ANKRD30B: variants seen among roughly 807,000 people sequenced by gnomAD.
The protein encoded by ANKRD30B is ankyrin repeat domain-containing protein 30B.
Under a neutral mutation model 202.2 loss-of-function variants are expected in ANKRD30B, and 144 were observed. The ratio of observed to expected loss-of-function variants is 0.71; its 90% CI spans 0.62 to 0.82. The LOEUF is 0.82. Among genes scored for constraint, ANKRD30B ranks in the 40% least tolerant of loss-of-function variants. The pLI is 0.00. For synonymous variants in ANKRD30B, 508 were observed against 561.3 expected (o/e 0.91, Z 1.34); for missense variants, 1,487 against 1,669.1 (o/e 0.89, Z 1.90).
Position 14,853,906 on chromosome 18 carries a change from A to G in ANKRD30B, c.4574A>G (p.Gln1525Arg), listed in dbSNP as rs1450392573. Among the ~76,000 whole-genome samples, 3 of 152,210 alleles carry G rather than the reference A, an allele frequency of 2.0e-5. No homozygotes were observed. The highest frequency in any genetic ancestry group is 4.8e-5 in the African/African-American group (2 of 41,450). ...TCACATTCTCACTCTCTGAGGCATC[A>G]ATAGAGGCTACATCACATTATCACA... is the stretch of plus-strand genomic sequence containing the variant. ...VTSHSHSLRHQ is the reference protein window; with the variant it reads ...VTSHSHSLRHR The change falls in exon 43 of 44, where the codon CAA becomes CGA. Residue 1525 changes from glutamine to arginine, a missense_variant. By Grantham distance (43) the Gln-to-Arg change is conservative (BLOSUM62 1). Coordinates refer to ENST00000690538, the MANE Select transcript of ANKRD30B (RefSeq NM_001367607.2).
the ANKRD30B span, among the ~76,000 whole-genome samples, chr18:14,875,297 G>T: frequency 2.0e-5 from 3 of 152,200 alleles, no homozygotes; most frequent in African/African-American, 7.2e-5. Context: ...ACATGGCCAT[G>T]TCAGGAGGAT....
Position 14,840,613 on chromosome 18 carries a change from A to T in ANKRD30B, c.3014A>T (p.Asn1005Ile), listed in dbSNP as rs1276274249. 6.5e-7 allele frequency: 1 copy of T among 1,528,356 alleles called. No individual in the cohort carries two copies. The highest frequency in any genetic ancestry group is 1.2e-5 in the South Asian group (1 of 82,518). 94.7% of individuals were successfully genotyped at this position (1,528,356 alleles called of 1,614,324 possible). ...ATTATCTCTGTGAGTGATACACAGAATTATGAGTGTTTACCTGAGGCTACA... is the reference window on the plus strand; with the variant it reads ...ATTATCTCTGTGAGTGATACACAGATTTATGAGTGTTTACCTGAGGCTACA... ...SEIISVSDTQ[N>I]YECLPEATYQ... The change falls in exon 37 of 44, where the codon AAT becomes ATT. Residue 1005 changes from asparagine (N) to isoleucine (I), a missense_variant. Around this residue, in one of 6 missense-constraint regions of ANKRD30B, gnomAD observed 218 missense variants for 320.1 expected, o/e 0.68. Coordinates refer to ENST00000690538, the MANE Select transcript of ANKRD30B (RefSeq NM_001367607.2).
chr18:14,820,201 T>G (rs2144106967), intron 30 of ANKRD30B, among the ~76,000 whole-genome samples: 1 of 152,316 alleles, frequency 6.6e-6, no homozygotes, highest in Admixed American at 6.5e-5. Flanking sequence ...GTGATTTTTG[T>G]ACATTGATTT....
At chr18:14,927,584 GAAGCA>G in the ANKRD30B span, among the ~76,000 whole-genome samples, 1 of 152,198 alleles carries the variant, frequency 6.6e-6, no homozygotes, top group Non-Finnish European at 1.5e-5. Flanking sequence ...AATTGCAGAT[GAAGCA>G]AAGCCTATTA....
At chr18:14,916,008 TTTATA>T in the ANKRD30B span, among the ~76,000 whole-genome samples, 4 of 152,204 alleles carry the variant, frequency 2.6e-5, no homozygotes, top group Admixed American at 2.0e-4. Flanking sequence ...ACTACACCAT[TTTATA>T]TTAGAAATCT....
chr18:14,937,111 T>C, the ANKRD30B span, among the ~76,000 whole-genome samples: 2 of 152,202 alleles, frequency 1.3e-5, no homozygotes, highest in Non-Finnish European at 2.9e-5. Context: ...CTCATGTCAC[T>C]GTGCAAAGAG....
chr18:14,748,608 C>A lies in ANKRD30B; in HGVS notation c.189C>A (p.Pro63=). 6.4e-7 allele frequency: 1 copy of A among 1,566,920 alleles called. No individual in the cohort carries two copies. The highest frequency in any genetic ancestry group is 8.7e-7 in the Non-Finnish European group (1 of 1,155,726). The change falls in exon 1 of 44, where the codon CCC becomes CCA. Residue 63 remains proline, a synonymous_variant. Coordinates refer to ENST00000690538, the MANE Select transcript of ANKRD30B (RefSeq NM_001367607.2). The part of the protein sequence containing the change: ...KLEKMTVGKK[P]VNLNKRDMKK... ...AGAAGATGACAGTAGGGAAGAAGCCCGTCAACCTGAACAAAAGAGATATGA... is the reference window on the plus strand; with the variant it reads ...AGAAGATGACAGTAGGGAAGAAGCCAGTCAACCTGAACAAAAGAGATATGA...
rs1912833790 is a variant in ANKRD30B, at chr18:14,748,466, A to T, written c.47A>T (p.Glu16Val). 1.9e-6 allele frequency: 3 copies of T among 1,539,326 alleles called. No homozygotes were observed. Among genetic ancestry groups the T allele is most frequent in the Non-Finnish European group, 2.6e-6 (3 of 1,140,418 alleles). ...AAAGKGVRGP[E>V]PPNPFSERVY... ...GCTGGCAAGGGCGTGCGGGGCCCGG[A>T]GCCCCCGAACCCCTTCAGCGAACGG... Residue 16 changes from glutamate to valine, a missense_variant, in exon 1 of 44, where the codon GAG (glutamate) becomes GTG (valine). Glu to Val is a moderately radical substitution (Grantham distance 121). This residue lies in a region of ANKRD30B where 889 missense variants were observed against 841.4 expected (regional missense o/e 1.06). Transcript: ENST00000690538.
the ANKRD30B span, among the ~76,000 whole-genome samples, chr18:14,859,899 T>G: frequency 2.1e-4 from 12 of 57,888 alleles, no homozygotes; most frequent in South Asian, 9.1e-4. Flanking sequence ...TGTCGTCCAT[T>G]CAGAGGCACT....
chr18:14,827,750 A>G (rs1464869281), intron 32 of ANKRD30B, among the ~76,000 whole-genome samples: 1 of 152,206 alleles, frequency 6.6e-6, no homozygotes, highest in Admixed American at 6.5e-5. Context: ...GTCCACTTAT[A>G]CTAATTCTGC....
intron 8 of ANKRD30B, among the ~76,000 whole-genome samples, chr18:14,771,064 G>A (rs776764449): frequency 2.3e-4 from 35 of 152,148 alleles, no homozygotes; most frequent in Non-Finnish European, 3.8e-4. Context: ...CAAGTAAGTC[G>A]TGGTTCAGTT....
intron 8 of ANKRD30B, among the ~76,000 whole-genome samples, chr18:14,770,349 G>C (rs1966912532): frequency 6.6e-6 from 1 of 152,124 alleles, no homozygotes; most frequent in Admixed American, 6.6e-5. Context: ...TGTTCAGATG[G>C]AGAGTCTGAA....
chr18:14,833,646 A>C (rs955321682), intron 34 of ANKRD30B, among the ~76,000 whole-genome samples: 2 of 152,196 alleles, frequency 1.3e-5, no homozygotes, highest in African/African-American at 4.8e-5. Context: ...TAATTGTCTT[A>C]TTATGTAATA....
At chr18:14,825,449 C>T (rs1568051554) in intron 32 of ANKRD30B, among the ~76,000 whole-genome samples, 1 of 151,996 alleles carries the variant, frequency 6.6e-6, no homozygotes, top group Non-Finnish European at 1.5e-5. Flanking sequence ...ACCCCCAGTA[C>T]AAAGCAATCA....
the ANKRD30B span, among the ~76,000 whole-genome samples, chr18:14,896,994 T>C: frequency 8.2e-6 from 1 of 121,958 alleles, no homozygotes; most frequent in Admixed American, 8.1e-5. Context: ...GGAAAATAAA[T>C]AGGAATTCAG....
intron 34 of ANKRD30B, among the ~76,000 whole-genome samples, chr18:14,836,839 CG>C (rs1200853569): frequency 2.0e-5 from 3 of 151,770 alleles, no homozygotes; most frequent in Non-Finnish European, 4.4e-5. Context: ...TGACTCTGCA[CG>C]TTGTCTGTCC....
the ANKRD30B span, among the ~76,000 whole-genome samples, chr18:14,912,761 G>A: frequency 6.6e-6 from 1 of 152,222 alleles, no homozygotes; most frequent in East Asian, 1.9e-4. Flanking sequence ...CTACTTCTTG[G>A]GAGATTTTTA....
intron 9 of ANKRD30B, among the ~76,000 whole-genome samples, chr18:14,777,077 A>C (rs1170836685): frequency 6.6e-6 from 1 of 152,226 alleles, no homozygotes; most frequent in African/African-American, 2.4e-5. Flanking sequence ...AGAGTAAGGC[A>C]GATACTTTGA....
the ANKRD30B span, among the ~76,000 whole-genome samples, chr18:14,914,888 G>A: frequency 2.0e-4 from 30 of 152,138 alleles, no homozygotes; most frequent in African/African-American, 5.6e-4. Flanking sequence ...AGGTCTGGAC[G>A]AGAGACAACA....
Sources: gnomAD v4.1 joint callset for allele counts (sites outside exome capture counted in the v4.1 genomes callset) on GRCh38, gnomAD v4.1.1 for gene constraint, gnomAD v4.1.1 regional missense constraint, MANE v1.5 for transcripts, NCBI Gene and HGNC (gene_info 2026-07-23, HGNC 2026-07-21) for gene names.